Variants in IFT88 observed in about 807,000 individuals in gnomAD.
The protein encoded by IFT88 is intraflagellar transport protein 88 homolog.
IFT88 carries 74 observed loss-of-function variants against 119.5 expected under a neutral mutation model. That is an observed-to-expected ratio of 0.62 (90% CI 0.51 to 0.75). The LOEUF (loss-of-function observed/expected upper bound fraction) is 0.75, where lower values mean the gene tolerates loss of function less well. IFT88 is among the 30% of genes least tolerant of loss of function. IFT88 has a pLI of 0.00. For synonymous variants in IFT88, 279 were observed against 316.7 expected (o/e 0.88, Z 1.26); for missense variants, 961 against 977.7 (o/e 0.98, Z 0.23).
At chr13:20,602,011 A>T in intron 12 of IFT88, 78 bp downstream of exon 12, 1 of 782,960 alleles carries the variant, frequency 1.3e-6, no homozygotes, top group Non-Finnish European at 2.1e-6. Context: ...GAAAGCCAGA[A>T]TAGATGACTT....
intron 23 of IFT88, among the ~76,000 whole-genome samples, chr13:20,667,719 G>A (rs988266316): frequency 6.6e-6 from 1 of 151,714 alleles, no homozygotes; most frequent in Non-Finnish European, 1.5e-5. Context: ...TGGGATTACA[G>A]GTGTGAGCCA....
intron 7 of IFT88, among the ~76,000 whole-genome samples, chr13:20,595,667 C>T (rs114392796): frequency 0.012 from 1,792 of 152,258 alleles, 36 homozygotes; most frequent in African/African-American, 0.041. Flanking sequence ...AACAGTACTA[C>T]ATTTGCTCTT....
intron 13 of IFT88, among the ~76,000 whole-genome samples, chr13:20,609,315 A>G (rs9509298): frequency 0.4 from 60,280 of 152,016 alleles, 13,948 homozygotes; most frequent in Non-Finnish European, 0.53. Context: ...CATTATCTCA[A>G]TGTTTTGCAT....
rs902385918 is a variant in IFT88, at chr13:20,569,674, A to G, written c.-7+2418A>G. Among the ~76,000 whole-genome samples, 7 of 152,150 alleles carry G rather than the reference A, an allele frequency of 4.6e-5. No individual in the cohort carries two copies. The East Asian group carries it at 1.2e-3, about 25-fold the overall frequency. On this transcript the variant is annotated intron_variant, in intron 1 of 25. Transcript: ENST00000351808. ...GAGAAAGTATTTGTAAATCATTTAT[A>G]TAATGTTTAGTATCAGGAATATATA...
chr13:20,675,943 A>G (rs1196401676), intron 24 of IFT88, among the ~76,000 whole-genome samples: 1 of 152,206 alleles, frequency 6.6e-6, no homozygotes, highest in African/African-American at 2.4e-5. Flanking sequence ...ACTTTTGGTA[A>G]TGACAGGTGG....
chr13:20,594,531 G>A (rs940507162), intron 7 of IFT88, among the ~76,000 whole-genome samples: 1 of 152,126 alleles, frequency 6.6e-6, no homozygotes, highest in African/African-American at 2.4e-5. Flanking sequence ...CCTGAATATA[G>A]ATTGCATTTT....
At chr13:20,571,666 C>A (rs2036388832) in intron 1 of IFT88, among the ~76,000 whole-genome samples, 1 of 152,110 alleles carries the variant, frequency 6.6e-6, no homozygotes, top group African/African-American at 2.4e-5. Context: ...GTCCAAAGAA[C>A]AAAGAGAAGG....
At chr13:20,581,060 C>G (rs1331502224) in intron 2 of IFT88, among the ~76,000 whole-genome samples, 1 of 152,100 alleles carries the variant, frequency 6.6e-6, no homozygotes, top group Non-Finnish European at 1.5e-5. Context: ...GGGACACTTC[C>G]TACCTCCTCA....
intron 14 of IFT88, among the ~76,000 whole-genome samples, chr13:20,622,322 G>A (rs1323779983): frequency 6.6e-6 from 1 of 152,174 alleles, no homozygotes; most frequent in Admixed American, 6.5e-5. Flanking sequence ...TGAACATACA[G>A]TTTCCCCTCT....
At chr13:20,647,886 A>G (rs1228458200) in intron 20 of IFT88, among the ~76,000 whole-genome samples, 1 of 152,208 alleles carries the variant, frequency 6.6e-6, no homozygotes, top group Non-Finnish European at 1.5e-5. Flanking sequence ...TAAAAGATCC[A>G]CAATGAGACA....
At position 20,669,207 on chromosome 13, in the gene IFT88, G is replaced by A. The variant is rs143089676; in HGVS notation, c.2176-1766G>A. 2.5e-3 allele frequency among the ~76,000 whole-genome samples: 381 copies of A among 152,282 alleles called. 4 individuals are homozygous for A. The highest frequency in any genetic ancestry group is 8.1e-3 in the African/African-American group (338 of 41,544). On this transcript the variant is annotated intron_variant, in intron 23 of 25. Transcript: ENST00000351808. ...AGTAGGAATTTAAAGAGTTTAAAAA[G>A]AGAAGAGTGATGAGAGCCAGAGGAC...
chr13:20,623,323 G>A (rs2046814484), intron 14 of IFT88, among the ~76,000 whole-genome samples: 1 of 152,150 alleles, frequency 6.6e-6, no homozygotes, highest in Admixed American at 6.5e-5. Flanking sequence ...ATGAATTTCA[G>A]GATGGATTTT....
Position 20,656,413 on chromosome 13 carries a change from T to C in IFT88, c.2051T>C (p.Phe684Ser), listed in dbSNP as rs536388232. 3 of 1,513,536 alleles carry C rather than the reference T, an allele frequency of 2.0e-6. No individual in the cohort carries two copies. Among genetic ancestry groups the C allele is most frequent in the African/African-American group, 2.8e-5 (2 of 72,172 alleles). 93.8% of individuals were successfully genotyped at this position (1,513,536 alleles called of 1,614,324 possible). ...LDTYKDTHRK[F>S]PENVECLRFL... ...ACTTACAAAGATACTCACAGAAAAT[T>C]TCCAGAAAATGTCGAATGTAAGTGG... The change falls in exon 22 of 26, where the codon TTT (phenylalanine) becomes TCT (serine). Residue 684 changes from phenylalanine (F) to serine (S), a missense_variant. Phe to Ser is a radical substitution (Grantham distance 155). Coordinates refer to ENST00000351808, the MANE Select transcript of IFT88 (RefSeq NM_006531.5).
At chr13:20,577,352 T>A (rs575038241) in intron 2 of IFT88, among the ~76,000 whole-genome samples, 16 of 152,328 alleles carry the variant, frequency 1.1e-4, no homozygotes, top group African/African-American at 3.4e-4. Flanking sequence ...GCCCTTTATT[T>A]CTTTCTCTTG....
intron 2 of IFT88, among the ~76,000 whole-genome samples, chr13:20,582,065 A>G (rs993009814): frequency 2.0e-5 from 3 of 150,678 alleles, no homozygotes; most frequent in African/African-American, 4.9e-5. Flanking sequence ...TTTTTGTGGG[A>G]AGTAGATTGA....
At chr13:20,606,119 G>A (rs1407000839) in intron 13 of IFT88, among the ~76,000 whole-genome samples, 1 of 152,152 alleles carries the variant, frequency 6.6e-6, no homozygotes, top group Non-Finnish European at 1.5e-5. Context: ...TACAACTGGG[G>A]TGGTGTCAGA....
At chr13:20,663,815 C>A (rs1403040957) in intron 23 of IFT88, among the ~76,000 whole-genome samples, 1 of 152,210 alleles carries the variant, frequency 6.6e-6, no homozygotes, top group Non-Finnish European at 1.5e-5. Flanking sequence ...CAATAGATTT[C>A]ATATTATCTT....
intron 14 of IFT88, among the ~76,000 whole-genome samples, chr13:20,620,196 GA>G (rs2046255864): frequency 1.3e-5 from 2 of 152,080 alleles, no homozygotes; most frequent in South Asian, 2.1e-4. Context: ...GTAAGGTCAA[GA>G]TTTTTTTTTT....
At chr13:20,613,808 C>G (rs1325225388) in intron 13 of IFT88, among the ~76,000 whole-genome samples, 1 of 151,766 alleles carries the variant, frequency 6.6e-6, no homozygotes, top group Non-Finnish European at 1.5e-5. Context: ...GCGATTTTTC[C>G]CATTGAATGC....
Sources: allele counts gnomAD v4.1 joint callset (sites outside exome capture counted in the v4.1 genomes callset), GRCh38; gene constraint gnomAD v4.1.1; transcripts MANE v1.5; gene names NCBI Gene and HGNC (gene_info 2026-07-23, HGNC 2026-07-21).